The following PLCL1 variants were observed in gnomAD, a reference collection of about 807,000 sequenced individuals.
PLCL1 encodes phospholipase C like 1 (inactive).
PLCL1 carries 41 observed loss-of-function variants against 84.4 expected under a neutral mutation model. That is an observed-to-expected ratio of 0.49 (90% CI 0.38 to 0.63). The LOEUF (loss-of-function observed/expected upper bound fraction) is 0.63, where lower values mean the gene tolerates loss of function less well. PLCL1 is among the 30% of genes least tolerant of loss of function. The probability of loss-of-function intolerance (pLI) is 0.00; values close to 1 mark genes in which losing one functional copy is unlikely to be tolerated. For synonymous variants in PLCL1, 490 were observed against 488.3 expected (o/e 1.00, Z -0.05); for missense variants, 1,206 against 1,367.8 (o/e 0.88, Z 1.87).
chr2:198,044,441 A>G (rs571336603), intron 1 of PLCL1, among the ~76,000 whole-genome samples: 95 of 152,326 alleles, frequency 6.2e-4, no homozygotes, highest in Non-Finnish European at 1.1e-3. Context: ...TGAACTATAT[A>G]AAGAACTTTG....
At position 198,083,817 on chromosome 2, in the gene PLCL1, A is replaced by C. The variant is rs763993520; in HGVS notation, c.300A>C (p.Pro100=). The change falls in exon 2 of 6, where the codon CCA becomes CCC. Residue 100 remains proline (P), a synonymous_variant. Coordinates refer to ENST00000428675, the MANE Select transcript of PLCL1 (RefSeq NM_006226.4). The part of the protein sequence containing the change: ...RKKTVSFSSM[P]SEKKISSAND... ...AAACCGTGTCTTTCAGCAGCATGCC[A>C]TCGGAAAAGAAAATTAGCAGTGCAA... 6.2e-6 allele frequency: 10 copies of C among 1,609,566 alleles called. No homozygotes were observed. The highest frequency in any genetic ancestry group is 6.8e-6 in the Non-Finnish European group (8 of 1,177,272).
At chr2:197,863,913 T>C (rs1382885746) in intron 1 of PLCL1, among the ~76,000 whole-genome samples, 1 of 152,220 alleles carries the variant, frequency 6.6e-6, no homozygotes, top group East Asian at 1.9e-4. Context: ...TTCTTTGGTA[T>C]GGCCTATTTT....
chr2:197,982,544 G>A (rs947425265), intron 1 of PLCL1, among the ~76,000 whole-genome samples: 2 of 152,090 alleles, frequency 1.3e-5, no homozygotes, highest in African/African-American at 4.8e-5. Context: ...TCCTCCTGCA[G>A]TTGAATCCAC....
At chr2:197,994,631 A>G (rs1574232175) in intron 1 of PLCL1, among the ~76,000 whole-genome samples, 1 of 152,336 alleles carries the variant, frequency 6.6e-6, no homozygotes, top group African/African-American at 2.4e-5. Context: ...TAAAACCTAA[A>G]TTAGGTAAAT....
chr2:197,924,504 T>A (rs1463962764), intron 1 of PLCL1, among the ~76,000 whole-genome samples: 1 of 152,106 alleles, frequency 6.6e-6, no homozygotes, highest in African/African-American at 2.4e-5. Flanking sequence ...GTAGATGCAT[T>A]AGGCTAAGTA....
chr2:198,072,212 T>C (rs1260818754), intron 1 of PLCL1, among the ~76,000 whole-genome samples: 1 of 151,936 alleles, frequency 6.6e-6, no homozygotes, highest in Non-Finnish European at 1.5e-5. Flanking sequence ...TCTTGACTTG[T>C]TTATAATCTT....
intron 1 of PLCL1, among the ~76,000 whole-genome samples, chr2:197,927,881 T>C (rs1022731976): frequency 1.3e-5 from 2 of 152,196 alleles, no homozygotes; most frequent in Admixed American, 6.6e-5. Flanking sequence ...AGTGACGTTA[T>C]GGCCAGATTA....
intron 1 of PLCL1, among the ~76,000 whole-genome samples, chr2:197,939,717 CTTTTTTTTTT>C (rs869135841): frequency 3.7e-4 from 41 of 112,186 alleles, no homozygotes; most frequent in Admixed American, 2.6e-3. Context: ...CTTCAACAGA[CTTTTTTTTTT>C]TTTTTTTTTT....
chr2:197,858,657 T>G (rs754968160), intron 1 of PLCL1, among the ~76,000 whole-genome samples: 1 of 152,214 alleles, frequency 6.6e-6, no homozygotes, highest in African/African-American at 2.4e-5. Flanking sequence ...ACTTTCTTAT[T>G]AAGATTAAGC....
At chr2:197,938,289 A>G (rs901990478) in intron 1 of PLCL1, among the ~76,000 whole-genome samples, 1 of 152,160 alleles carries the variant, frequency 6.6e-6, no homozygotes, top group African/African-American at 2.4e-5. Flanking sequence ...ATACTGTAGT[A>G]TTCCAAGCCA....
chr2:197,957,148 T>G (rs968814979), intron 1 of PLCL1, among the ~76,000 whole-genome samples: 15 of 152,084 alleles, frequency 9.9e-5, no homozygotes, highest in Non-Finnish European at 1.9e-4. Context: ...TTCCATACAT[T>G]TTTTTCCAAC....
intron 1 of PLCL1, among the ~76,000 whole-genome samples, chr2:197,894,030 G>C (rs146765308): frequency 6.6e-6 from 1 of 151,788 alleles, no homozygotes; most frequent in Non-Finnish European, 1.5e-5. Context: ...AGTAAGGGGT[G>C]GGGGGTAGTG....
chr2:197,836,204 G>T lies in PLCL1; in HGVS notation c.240+30865G>T, dbSNP rs552034270. ...TGTAAAAAATCCTTACCTTTACTTTGGGAGGCCGAGGCGGGCGGATCACGA... is the reference window on the plus strand; with the variant it reads ...TGTAAAAAATCCTTACCTTTACTTTTGGAGGCCGAGGCGGGCGGATCACGA... On this transcript the variant is annotated intron_variant, in intron 1 of 5. Coordinates refer to ENST00000428675, the MANE Select transcript of PLCL1 (RefSeq NM_006226.4). Among the ~76,000 whole-genome samples the T allele has an allele frequency of 3.3e-5, 5 of 151,886 alleles. No individual in the cohort carries two copies. The South Asian group carries it at 1.0e-3, about 32-fold the overall frequency.
At chr2:197,918,971 T>TCTCTCTCTCTCTCTCA (rs373512508) in intron 1 of PLCL1, among the ~76,000 whole-genome samples, 2,362 of 144,544 alleles carry the variant, frequency 0.016, 77 homozygotes, top group East Asian at 0.044. Flanking sequence ...TCTCTCTCCC[T>TCTCTCTCTCTCTCTCA]CACACACACA....
rs938325630 is a variant in PLCL1, at chr2:197,815,477, C to T, written c.240+10138C>T. ...ATGTAGAGGAGATTAATGTTTTCAT[C>T]CTGTTAACATAAGATCCATTCTGCA... On this transcript the variant is annotated intron_variant, in intron 1 of 5. Coordinates refer to ENST00000428675, the MANE Select transcript of PLCL1 (RefSeq NM_006226.4). Among the ~76,000 whole-genome samples the T allele has an allele frequency of 1.4e-4, 21 of 152,092 alleles. 1 individual carries two copies. The highest frequency in any genetic ancestry group is 3.3e-4 in the Admixed American group (5 of 15,260).
chr2:198,083,856 C>T lies in PLCL1; in HGVS notation c.339C>T (p.Ser113=), dbSNP rs1371084042. 4 of 1,614,068 alleles carry T rather than the reference C, an allele frequency of 2.5e-6. No homozygotes were observed. The highest frequency in any genetic ancestry group is 2.2e-5 in the South Asian group (2 of 91,084). Reference sequence around the variant, plus strand: ...TTAGCAGTGCAAATGACTGCATCAGCTTCATGCAAGCTGGCTGTGAGTTGA... The same window carrying T: ...TTAGCAGTGCAAATGACTGCATCAGTTTCATGCAAGCTGGCTGTGAGTTGA... The part of the protein sequence containing the change: ...KKISSANDCI[S]FMQAGCELKK... Residue 113 remains serine, a synonymous_variant, in exon 2 of 6, where the codon AGC becomes AGT. Transcript: ENST00000428675.
chr2:198,121,585 G>A (rs1693868374), intron 5 of PLCL1, among the ~76,000 whole-genome samples: 3 of 151,906 alleles, frequency 2.0e-5, no homozygotes, highest in South Asian at 2.1e-4. Context: ...TTGTATGTTC[G>A]TGGCACCTTT....
At chr2:198,030,510 C>G (rs1477750300) in intron 1 of PLCL1, among the ~76,000 whole-genome samples, 1 of 152,088 alleles carries the variant, frequency 6.6e-6, no homozygotes, top group Non-Finnish European at 1.5e-5. Flanking sequence ...CGAGCCTTCC[C>G]CTCTTTGAAG....
Position 197,851,666 on chromosome 2 carries a change from C to T in PLCL1, c.240+46327C>T, listed in dbSNP as rs894674712. Among the ~76,000 whole-genome samples, 16 of 152,212 alleles carry T rather than the reference C, an allele frequency of 1.1e-4. 1 individual carries two copies. Among genetic ancestry groups the T allele is most frequent in the Admixed American group, 4.6e-4 (7 of 15,288 alleles). ...AGTAGAGACAGTGGGGGAGAAAAGA[C>T]ATTGGCTCCAGGGGGAGCAATTTCA... On this transcript the variant is annotated intron_variant, in intron 1 of 5. Transcript: ENST00000428675.
Sources: allele counts gnomAD v4.1 joint callset (sites outside exome capture counted in the v4.1 genomes callset), GRCh38; gene constraint gnomAD v4.1.1; transcripts MANE v1.5; gene names NCBI Gene and HGNC (gene_info 2026-07-23, HGNC 2026-07-21).